MTRR: variants seen among roughly 807,000 people sequenced by gnomAD.
The protein encoded by MTRR is 5-methyltetrahydrofolate-homocysteine methyltransferase reductase, also known as methionine synthase reductase.
A neutral mutation model predicts 79.2 loss-of-function variants in MTRR; 63 were observed. That is an observed-to-expected ratio of 0.80 (90% confidence interval 0.65 to 0.98). The LOEUF (loss-of-function observed/expected upper bound fraction) is 0.98. Ranked by LOEUF, MTRR falls within the 50% of genes least tolerant of loss-of-function variation. The probability of loss-of-function intolerance (pLI) is 0.00; values close to 1 mark genes in which losing one functional copy is unlikely to be tolerated. For synonymous variants in MTRR, 355 were observed against 313.3 expected (o/e 1.13, Z -1.41); for missense variants, 895 against 839.6 (o/e 1.07, Z -0.82).
At chr5:7,853,732 T>G (rs574743317) in intron 1 of MTRR, among the ~76,000 whole-genome samples, 45 of 152,290 alleles carry the variant, frequency 3.0e-4, no homozygotes, top group African/African-American at 1.1e-3. Context: ...TCCTGTCTGC[T>G]CGGTGGAGGC....
At chr5:7,867,589 C>T (rs1348515485), upstream of MTRR, 2 of 1,614,240 alleles carry the variant, frequency 1.2e-6, no homozygotes, top group Admixed American at 1.7e-5. Flanking sequence ...CCTTTTCAAA[C>T]TGAAAGCATA....
chr5:7,897,104 T>A lies in MTRR; in HGVS notation c.1809T>A (p.Thr603=), dbSNP rs1390898831. The part of the protein sequence containing the change: ...LRHFLKHGIL[T]HLKVSFSRDA... The stretch of plus-strand genomic sequence containing the variant: ...ATTTCCTTAAGCATGGGATCTTAAC[T>A]CATCTAAAGGTTTCCTTCTCAAGAG... The change falls in exon 14 of 15, where the codon ACT becomes ACA. Residue 603 remains threonine (T), a synonymous_variant. Coordinates refer to ENST00000440940, the MANE Select transcript of MTRR (RefSeq NM_002454.3). 1 of 1,614,172 alleles carries A rather than the reference T, an allele frequency of 6.2e-7. No individual in the cohort carries two copies. The highest frequency in any genetic ancestry group is 8.5e-7 in the Non-Finnish European group (1 of 1,180,024).
intron 5 of MTRR, among the ~76,000 whole-genome samples, chr5:7,881,338 C>T (rs1366831900): frequency 6.6e-6 from 1 of 151,860 alleles, no homozygotes; most frequent in East Asian, 1.9e-4. Context: ...CGCAACAACC[C>T]CAGTTATTGG....
chr5:7,892,978 AGT>A, intron 11 of MTRR, 65 bp downstream of exon 11: 1 of 1,517,096 alleles, frequency 6.6e-7, no homozygotes, highest in Non-Finnish European at 9.0e-7. Context: ...TAGAAAAAAC[AGT>A]GTTGTCTCAC....
At chr5:7,897,033 C>A (rs368277512) in intron 13 of MTRR, 32 bp from the exon 14 acceptor site, 6 of 1,612,816 alleles carry the variant, frequency 3.7e-6, no homozygotes, top group Non-Finnish European at 5.1e-6. Context: ...GCTTGACAAC[C>A]TTTTAGTGAT....
At chr5:7,870,176 C>G in intron 1 of MTRR, 1 of 585,174 alleles carries the variant, frequency 1.7e-6, no homozygotes, top group Non-Finnish European at 2.2e-6. Context: ...TGCCCATACA[C>G]TCACATATTT....
intron 5 of MTRR, 69 bp from the exon 6 acceptor site, chr5:7,883,086 G>A (rs1404936240): frequency 1.0e-5 from 16 of 1,606,044 alleles, no homozygotes; most frequent in South Asian, 8.8e-5. Flanking sequence ...TGGATCTTGC[G>A]TAGTCACTAA....
At chr5:7,867,327 G>A, upstream of MTRR, 1 of 1,613,918 alleles carries the variant, frequency 6.2e-7, no homozygotes, top group Non-Finnish European at 8.5e-7. Flanking sequence ...ATATCCTCCG[G>A]GGTAAATGTT....
rs907264273 is a variant in MTRR at position 7,901,099 on chromosome 5, C to G, written c.*1041C>G. 6.6e-6 allele frequency: 1 copy of G among 152,086 alleles called. No homozygotes were observed. The highest frequency in any genetic ancestry group is 1.5e-5 in the Non-Finnish European group (1 of 67,994). 9.4% of individuals were successfully genotyped at this position (152,086 alleles called of 1,614,324 possible). A position where few individuals can be genotyped will look rare whatever the true frequency, so the allele number is the denominator to read the frequency against. On this transcript the variant is annotated 3_prime_UTR_variant, in exon 15 of 15. Transcript: ENST00000440940. ...TTTGATCCTTTTGAGAAATAAAGAT[C>G]TGAAAGAAATGGCATAATCTTAAAA...
upstream of MTRR, chr5:7,867,121 A>C (rs144694454): frequency 1.9e-6 from 3 of 1,614,206 alleles, no homozygotes; most frequent in Non-Finnish European, 2.5e-6. Flanking sequence ...GCCTCACGAC[A>C]TATTTGCCCA....
intron 2 of MTRR, among the ~76,000 whole-genome samples, chr5:7,863,450 C>T (rs143241930): frequency 5.9e-4 from 90 of 152,272 alleles, no homozygotes; most frequent in African/African-American, 2.0e-3. Context: ...ACCTTTTAAG[C>T]ACAGACAGGC....
intron 5 of MTRR, 101 bp from the exon 6 acceptor site, chr5:7,883,054 C>T: frequency 1.3e-6 from 2 of 1,486,160 alleles, no homozygotes; most frequent in Non-Finnish European, 1.9e-6. Context: ...ACTGAGTAGC[C>T]AGGAAGTTTT....
At position 7,900,264 on chromosome 5, in the gene MTRR, C is replaced by T. The variant is rs1029975446; in HGVS notation, c.*206C>T. ...ATCTTCTATCTACGCCCTTCCTGTGCCTGTGACTCTCCCCAAATTGCCCTG... is the reference window on the plus strand; with the variant it reads ...ATCTTCTATCTACGCCCTTCCTGTGTCTGTGACTCTCCCCAAATTGCCCTG... On this transcript the variant is annotated 3_prime_UTR_variant, in exon 15 of 15. Transcript: ENST00000440940. 5.1e-6 allele frequency: 3 copies of T among 593,018 alleles called. No homozygotes were observed. Among genetic ancestry groups the T allele is most frequent in the South Asian group, 2.0e-5 (1 of 49,238 alleles). The allele number at this position is 593,018 out of a possible 1,614,324, so 36.7% of individuals were successfully genotyped here. A position where few individuals can be genotyped will look rare whatever the true frequency, so the allele number is the denominator to read the frequency against.
At chr5:7,852,431 A>G (rs995720842) in intron 1 of MTRR, among the ~76,000 whole-genome samples, 2 of 151,972 alleles carry the variant, frequency 1.3e-5, no homozygotes, top group African/African-American at 4.8e-5. Context: ...CTTCCTGAGA[A>G]ACCCATGTGC....
chr5:7,868,851 C>G (rs1747288072), upstream of MTRR: 1 of 541,746 alleles, frequency 1.8e-6, no homozygotes, highest in Non-Finnish European at 3.3e-6. Context: ...GGGCGAGCAC[C>G]CCCAAACTCG....
Position 7,875,319 on chromosome 5 carries a change from T to G in MTRR, c.345T>G (p.Leu115=). The G allele has an allele frequency of 6.2e-7, 1 of 1,614,108 alleles. No individual in the cohort carries two copies. Among genetic ancestry groups the G allele is most frequent in the African/African-American group, 1.3e-5 (1 of 75,040 alleles). ...CNGGKIIDKR[L]QELGARHFYD... Reference sequence around the variant, plus strand: ...GGGGGAAGATAATTGATAAACGACTTCAAGAGCTTGGAGCCCGGCATTTCT... The same window carrying G: ...GGGGGAAGATAATTGATAAACGACTGCAAGAGCTTGGAGCCCGGCATTTCT... The change falls in exon 4 of 15, where the codon CTT becomes CTG. Residue 115 remains leucine, a synonymous_variant. Coordinates refer to ENST00000440940, the MANE Select transcript of MTRR (RefSeq NM_002454.3).
chr5:7,900,002 A>G lies in MTRR; in HGVS notation c.2041A>G (p.Lys681Glu). The change falls in exon 15 of 15, where the codon AAA becomes GAA. Residue 681 changes from lysine to glutamate, a missense_variant. Lys to Glu is a moderately conservative substitution (Grantham distance 56). Coordinates refer to ENST00000440940, the MANE Select transcript of MTRR (RefSeq NM_002454.3). ...EVGVEKLEAM[K>E]TLATLKEEKR... The stretch of plus-strand genomic sequence containing the variant: ...TGGAGTTGAAAAACTAGAAGCAATG[A>G]AAACCCTGGCCACTTTAAAAGAAGA... The G allele has an allele frequency of 6.2e-7, 1 of 1,614,178 alleles. No homozygotes were observed. Among genetic ancestry groups the G allele is most frequent in the Non-Finnish European group, 8.5e-7 (1 of 1,180,032 alleles).
chr5:7,872,118 A>G, intron 2 of MTRR: 15 of 314,506 alleles, frequency 4.8e-5, no homozygotes, highest in South Asian at 4.1e-4. Flanking sequence ...TTTTCAAGGT[A>G]CTGACATTAC....
chr5:7,864,529 A>C (rs1044693689), upstream of MTRR, among the ~76,000 whole-genome samples: 3 of 152,220 alleles, frequency 2.0e-5, no homozygotes, highest in African/African-American at 7.2e-5. Context: ...AATAGTTAAT[A>C]TCTGTTTTAC....
Sources: gnomAD v4.1 joint callset for allele counts (sites outside exome capture counted in the v4.1 genomes callset) on GRCh38, gnomAD v4.1.1 for gene constraint, MANE v1.5 for transcripts, NCBI Gene and HGNC (gene_info 2026-07-23, HGNC 2026-07-21) for gene names.